TTLL11: variants seen among roughly 807,000 people sequenced by gnomAD.
TTLL11 encodes tubulin polyglutamylase TTLL11.
A neutral mutation model predicts 51.7 loss-of-function variants in TTLL11; 42 were observed. That is an observed-to-expected ratio of 0.81 (90% CI 0.64 to 1.05). TTLL11 has a LOEUF of 1.05. Among genes scored for constraint, TTLL11 ranks in the 50% least tolerant of loss-of-function variants. TTLL11 has a pLI of 0.00. For synonymous variants in TTLL11, 381 were observed against 383.5 expected, an observed-to-expected ratio of 0.99 and a Z score of 0.08; for missense variants, 799 against 940.4, an observed-to-expected ratio of 0.85 and a Z score of 1.97.
intron 1 of TTLL11, among the ~76,000 whole-genome samples, chr9:122,091,443 G>T (rs1846256493): frequency 6.6e-6 from 1 of 152,160 alleles, no homozygotes; most frequent in Non-Finnish European, 1.5e-5. Context: ...CAAGGCTGGG[G>T]GCCCAGACAC....
rs756859354 is a variant in TTLL11, at chr9:122,039,372, G to A, written c.463-4C>T. ...GCAAGCGCCGGCCAAATGGGAACTA[G>A]AAGAGAAAAAATGTGACTCGCAATA... is the stretch of plus-strand genomic sequence containing the variant. On this transcript the variant is annotated splice_region_variant and splice_polypyrimidine_tract_variant and intron_variant, in intron 1 of 8. Transcript: ENST00000321582. 1.9e-6 allele frequency: 3 copies of A among 1,612,326 alleles called. No individual in the cohort carries two copies. In the South Asian group the frequency reaches 3.3e-5, roughly 18 times the overall value.
intron 8 of TTLL11, among the ~76,000 whole-genome samples, chr9:121,827,662 A>G (rs1002335008): frequency 4.6e-5 from 7 of 152,186 alleles, no homozygotes; most frequent in Non-Finnish European, 7.3e-5. Flanking sequence ...TGGTCCCACA[A>G]TGGCCCATTC....
intron 6 of TTLL11, among the ~76,000 whole-genome samples, chr9:121,902,170 C>T (rs1018306546): frequency 7.9e-5 from 12 of 152,128 alleles, no homozygotes; most frequent in Admixed American, 7.2e-4. Flanking sequence ...CATCCTACAG[C>T]CCAGAAGCAA....
chr9:121,901,826 A>G (rs1341024735), intron 6 of TTLL11, among the ~76,000 whole-genome samples: 1 of 152,218 alleles, frequency 6.6e-6, no homozygotes, highest in Non-Finnish European at 1.5e-5. Context: ...CGGAAACCCC[A>G]GTTTCAACAC....
At chr9:122,013,678 C>T (rs1388045758) in intron 3 of TTLL11, among the ~76,000 whole-genome samples, 2 of 152,142 alleles carry the variant, frequency 1.3e-5, no homozygotes, top group African/African-American at 4.8e-5. Context: ...GGGGGTGAAG[C>T]TGAGATAAAG....
chr9:121,886,708 T>C, intron 6 of TTLL11, among the ~76,000 whole-genome samples: 1 of 152,164 alleles, frequency 6.6e-6, no homozygotes, highest in East Asian at 1.9e-4. Flanking sequence ...ATGTCCAACC[T>C]AGGTACCCTT....
At chr9:121,922,467 T>G (rs542865063) in intron 6 of TTLL11, among the ~76,000 whole-genome samples, 1 of 152,316 alleles carries the variant, frequency 6.6e-6, no homozygotes, top group South Asian at 2.1e-4. Context: ...GACTGATAAC[T>G]ACCTTGAGAG....
intron 2 of TTLL11, among the ~76,000 whole-genome samples, chr9:122,034,859 C>A (rs972804750): frequency 6.6e-6 from 1 of 152,174 alleles, no homozygotes; most frequent in Non-Finnish European, 1.5e-5. Flanking sequence ...AGCTGCAGCG[C>A]CTGACCCCTC....
intron 1 of TTLL11, among the ~76,000 whole-genome samples, chr9:122,053,790 C>T (rs10818622): frequency 0.22 from 33,214 of 152,028 alleles, 3,876 homozygotes; most frequent in Non-Finnish European, 0.24. Flanking sequence ...CCCTCCTGCC[C>T]GTGGGCTACA....
intron 6 of TTLL11, among the ~76,000 whole-genome samples, chr9:121,958,654 C>T (rs1401528201): frequency 6.6e-5 from 10 of 152,202 alleles, no homozygotes; most frequent in South Asian, 2.1e-4. Context: ...TACCCTCGAA[C>T]ACATAGAGTC....
chr9:121,911,677 AAC>A (rs1263795656), intron 6 of TTLL11, among the ~76,000 whole-genome samples: 2 of 152,196 alleles, frequency 1.3e-5, no homozygotes, highest in Non-Finnish European at 2.9e-5. Flanking sequence ...TCAGCAAACT[AAC>A]ACAGGAACAA....
At position 121,854,109 on chromosome 9, in the gene TTLL11, T is replaced by C. The variant is rs146530565; in HGVS notation, c.1840+6228A>G. 1.7e-3 allele frequency among the ~76,000 whole-genome samples: 266 copies of C among 152,248 alleles called. 2 individuals are homozygous for C. Among genetic ancestry groups the C allele is most frequent in the African/African-American group, 6.0e-3 (250 of 41,548 alleles). On this transcript the variant is annotated intron_variant, in intron 8 of 8. Transcript: ENST00000321582. ...GATGAACTTGAGGCTTGGAGGAAGT[T>C]GCCTAACTTCCCTGAGGTTAGCTAG... is the stretch of plus-strand genomic sequence containing the variant.
chr9:122,026,909 T>TAA (rs57149192), intron 3 of TTLL11, among the ~76,000 whole-genome samples: 1,202 of 119,866 alleles, frequency 0.01, 9 homozygotes, highest in Middle Eastern at 0.049. Flanking sequence ...AAGTTCATTC[T>TAA]AAAAAAAAAA....
chr9:122,018,490 G>A (rs988891248), intron 3 of TTLL11, among the ~76,000 whole-genome samples: 18 of 152,298 alleles, frequency 1.2e-4, no homozygotes, highest in Middle Eastern at 3.4e-3. Flanking sequence ...GAAATGTGAT[G>A]CTTTGCTTCA....
chr9:121,854,770 T>C (rs1438485617), intron 8 of TTLL11, among the ~76,000 whole-genome samples: 1 of 150,522 alleles, frequency 6.6e-6, no homozygotes, highest in African/African-American at 2.5e-5. Context: ...TTACATGAAA[T>C]AAATGCATCT....
chr9:122,034,526 T>C (rs1588225171), intron 2 of TTLL11, among the ~76,000 whole-genome samples: 1 of 152,118 alleles, frequency 6.6e-6, no homozygotes, highest in Non-Finnish European at 1.5e-5. Flanking sequence ...GAGGGACGGG[T>C]GTAGACTTCT....
intron 6 of TTLL11, among the ~76,000 whole-genome samples, chr9:121,871,969 T>C (rs1426892188): frequency 6.6e-6 from 1 of 152,248 alleles, no homozygotes; most frequent in Non-Finnish European, 1.5e-5. Context: ...ACCTGTTGTG[T>C]TCATTCCTGA....
At chr9:121,836,525 A>C (rs140669337) in intron 8 of TTLL11, among the ~76,000 whole-genome samples, 14 of 152,272 alleles carry the variant, frequency 9.2e-5, no homozygotes, top group Admixed American at 2.0e-4. Flanking sequence ...ACCTCCCCCG[A>C]CACCCCAGTT....
chr9:121,951,762 T>C (rs908860281), intron 6 of TTLL11, among the ~76,000 whole-genome samples: 8 of 152,190 alleles, frequency 5.3e-5, no homozygotes, highest in African/African-American at 1.9e-4. Context: ...AGCGAGTTTA[T>C]TAAGAAAGTA....
Sources: allele counts gnomAD v4.1 joint callset (sites outside exome capture counted in the v4.1 genomes callset), GRCh38; gene constraint gnomAD v4.1.1; transcripts MANE v1.5; gene names NCBI Gene and HGNC (gene_info 2026-07-23, HGNC 2026-07-21).